Variants in FGF10 observed in about 807,000 individuals in gnomAD.
FGF10 encodes the protein FGF-10.
A neutral mutation model predicts 19.8 loss-of-function variants in FGF10; 2 were observed. The observed-to-expected ratio is 0.10, with a 90% CI of 0.04 to 0.32. The LOEUF is 0.32. Ranked by LOEUF, FGF10 falls within the 10% of genes least tolerant of loss-of-function variation. FGF10 has a pLI of 1.00. For synonymous variants in FGF10, 112 were observed against 94.0 expected (o/e 1.19, Z -1.10); for missense variants, 191 against 246.3 (o/e 0.78, Z 1.50).
chr5:44,347,441 C>A (rs1238041522), intron 1 of FGF10, among the ~76,000 whole-genome samples: 1 of 151,682 alleles, frequency 6.6e-6, no homozygotes, highest in Non-Finnish European at 1.5e-5. Context: ...TTTACTCAAG[C>A]AATATTGATG....
At position 44,337,856 on chromosome 5, in the gene FGF10, A is replaced by G. The variant is rs796452533; in HGVS notation, c.326-27326T>C. Among the ~76,000 whole-genome samples the G allele has an allele frequency of 1.4e-4, 21 of 152,180 alleles. 2 individuals are homozygous for G. The highest frequency in any genetic ancestry group is 5.1e-4 in the African/African-American group (21 of 41,548). On this transcript the variant is annotated intron_variant, in intron 1 of 2. Coordinates refer to ENST00000264664, the MANE Select transcript of FGF10 (RefSeq NM_004465.2). ...CATGGGAGGCTGACGCAGGAGAATC[A>G]CTTGAACCCGGGAGGTGGAGGTTGC... is the stretch of plus-strand genomic sequence containing the variant.
intron 1 of FGF10, among the ~76,000 whole-genome samples, chr5:44,348,284 G>A (rs1741132423): frequency 6.6e-6 from 1 of 151,614 alleles, no homozygotes; most frequent in African/African-American, 2.4e-5. Context: ...ATAGTAGGAT[G>A]AAATATTCCA....
In FGF10 at chr5:44,301,932, TAGG is replaced by T. The variant is rs1227387354; in HGVS notation, c.*3060_*3062del. ...ATACACTGTTCAGCCTTTTGCGAGT[TAGG>T]AGGAGGGAGTGATTCTATATCTTTA... is the stretch of plus-strand genomic sequence containing the variant. On this transcript the variant is annotated 3_prime_UTR_variant, in exon 3 of 3. Transcript: ENST00000264664. Among the ~76,000 whole-genome samples, 1 of 152,170 alleles carries T rather than the reference TAGG, an allele frequency of 6.6e-6. No individual in the cohort carries two copies. Among genetic ancestry groups the T allele is most frequent in the African/African-American group, 2.4e-5 (1 of 41,440 alleles).
intron 1 of FGF10, among the ~76,000 whole-genome samples, chr5:44,377,731 C>T (rs565433105): frequency 1.1e-3 from 174 of 152,282 alleles, no homozygotes; most frequent in Non-Finnish European, 1.1e-3. Flanking sequence ...TTGGAATTTT[C>T]AGTTTTTGAA....
At chr5:44,347,098 A>T (rs561504682) in intron 1 of FGF10, among the ~76,000 whole-genome samples, 11 of 151,924 alleles carry the variant, frequency 7.2e-5, no homozygotes, top group African/African-American at 2.2e-4. Context: ...AAGGCCAAGA[A>T]CATAGTAAAT....
chr5:44,330,224 C>T (rs778709037), intron 1 of FGF10, among the ~76,000 whole-genome samples: 3 of 152,170 alleles, frequency 2.0e-5, no homozygotes, highest in Non-Finnish European at 2.9e-5. Context: ...TGAGACTTCG[C>T]TTTCTCAACA....
intron 1 of FGF10, among the ~76,000 whole-genome samples, chr5:44,355,510 T>C (rs1287360074): frequency 2.0e-5 from 3 of 150,996 alleles, no homozygotes; most frequent in Non-Finnish European, 4.4e-5. Context: ...CTATGCAATA[T>C]ATATTTACAA....
In FGF10 at chr5:44,388,993, C is replaced by T. The variant is rs756697035; in HGVS notation, c.-311G>A. The T allele has an allele frequency of 1.2e-5, 6 of 509,900 alleles. No individual in the cohort carries two copies. The highest frequency in any genetic ancestry group is 2.1e-5 in the Non-Finnish European group (6 of 279,590). 31.6% of individuals were successfully genotyped at this position (509,900 alleles called of 1,614,324 possible). ...GTGTTGGTCACCAGCGCTCTTCGCT[C>T]CCCCAGGAGTTACTTTGTTCTCTTC... is the stretch of plus-strand genomic sequence containing the variant. On this transcript the variant is annotated 5_prime_UTR_variant, in exon 1 of 3. Transcript: ENST00000264664.
chr5:44,379,303 G>T (rs916745034), intron 1 of FGF10, among the ~76,000 whole-genome samples: 1 of 152,090 alleles, frequency 6.6e-6, no homozygotes, highest in Admixed American at 6.5e-5. Flanking sequence ...GCATTTATTC[G>T]TGCCTCACAC....
chr5:44,352,978 AT>A (rs1303608865), intron 1 of FGF10, among the ~76,000 whole-genome samples: 1 of 151,608 alleles, frequency 6.6e-6, no homozygotes, highest in Admixed American at 6.6e-5. Flanking sequence ...CTTAGAGAAA[AT>A]GTTTTGTAAT....
intron 1 of FGF10, among the ~76,000 whole-genome samples, chr5:44,332,223 G>A (rs1740752412): frequency 6.6e-6 from 1 of 152,088 alleles, no homozygotes; most frequent in Non-Finnish European, 1.5e-5. Context: ...ATTTGAAACA[G>A]CCAGTTAATG....
At chr5:44,321,488 G>A (rs1489389806) in intron 1 of FGF10, among the ~76,000 whole-genome samples, 1 of 152,144 alleles carries the variant, frequency 6.6e-6, no homozygotes, top group Non-Finnish European at 1.5e-5. Flanking sequence ...CAAGAAAACT[G>A]AATTGGTCAT....
chr5:44,359,889 C>G (rs1579931543), intron 1 of FGF10, among the ~76,000 whole-genome samples: 2 of 151,490 alleles, frequency 1.3e-5, no homozygotes, highest in Non-Finnish European at 3.0e-5. Context: ...ATTCTACTTT[C>G]TACTGGACTA....
chr5:44,356,261 T>C (rs1274741523), intron 1 of FGF10, among the ~76,000 whole-genome samples: 1 of 151,344 alleles, frequency 6.6e-6, no homozygotes, highest in Non-Finnish European at 1.5e-5. Context: ...CAACAAAAAG[T>C]TGGGTATGTT....
At chr5:44,377,551 G>A (rs557345866) in intron 1 of FGF10, among the ~76,000 whole-genome samples, 42 of 152,056 alleles carry the variant, frequency 2.8e-4, no homozygotes, top group African/African-American at 9.2e-4. Flanking sequence ...TACCTATTTC[G>A]CTATTCTTTT....
At chr5:44,378,379 A>T (rs1328426897) in intron 1 of FGF10, among the ~76,000 whole-genome samples, 1 of 152,214 alleles carries the variant, frequency 6.6e-6, no homozygotes, top group East Asian at 1.9e-4. Context: ...CAGGCCTCTA[A>T]CTTTTTCCCC....
chr5:44,362,375 G>A (rs577738236), intron 1 of FGF10, among the ~76,000 whole-genome samples: 1 of 151,620 alleles, frequency 6.6e-6, no homozygotes, highest in African/African-American at 2.4e-5. Context: ...CCTAGGCAGG[G>A]TTAACTCTTC....
chr5:44,305,615 G>A (rs1471751612), intron 2 of FGF10, among the ~76,000 whole-genome samples: 2 of 151,958 alleles, frequency 1.3e-5, no homozygotes, highest in South Asian at 2.1e-4. Flanking sequence ...GGAAAGATAT[G>A]GGCTTGTCAA....
chr5:44,321,516 A>G (rs182012696), intron 1 of FGF10, among the ~76,000 whole-genome samples: 43 of 152,304 alleles, frequency 2.8e-4, no homozygotes, highest in African/African-American at 9.6e-4. Context: ...CAGTATATGC[A>G]TAGACAGAGT....
Sources: gnomAD v4.1 joint callset for allele counts (sites outside exome capture counted in the v4.1 genomes callset) on GRCh38, gnomAD v4.1.1 for gene constraint, MANE v1.5 for transcripts, NCBI Gene and HGNC (gene_info 2026-07-23, HGNC 2026-07-21) for gene names.